AMZ1: variants seen among roughly 807,000 people sequenced by gnomAD.
AMZ1 encodes the protein archaemetzincin-1.
Under a neutral mutation model 29.9 loss-of-function variants are expected in AMZ1, and 39 were observed. The ratio of observed to expected loss-of-function variants is 1.30; its 90% confidence interval spans 1.01 to 1.70. The LOEUF (loss-of-function observed/expected upper bound fraction) is 1.70, where lower values mean the gene tolerates loss of function less well. AMZ1 is among the 40% of genes most tolerant of loss of function. The pLI, the probability that AMZ1 is intolerant of heterozygous loss-of-function variation, is 0.00. For missense variants in AMZ1, 1,041 were observed against 680.6 expected, an observed-to-expected ratio of 1.53 and a Z score of -5.89; for synonymous variants, 458 against 304.0, an observed-to-expected ratio of 1.51 and a Z score of -5.27.
chr7:2,707,344 T>C (rs1788419034), intron 3 of AMZ1, among the ~76,000 whole-genome samples: 1 of 151,580 alleles, frequency 6.6e-6, no homozygotes, highest in Admixed American at 6.6e-5. Flanking sequence ...CTTTTAATGG[T>C]AGAACTCCTT....
intron 4 of AMZ1, among the ~76,000 whole-genome samples, chr7:2,751,689 A>AG (rs2115363688): frequency 6.6e-6 from 1 of 152,386 alleles, no homozygotes; most frequent in African/African-American, 2.4e-5. Context: ...GTTATACTAT[A>AG]GCTCCGTCAA....
At chr7:2,762,654 C>T, upstream of AMZ1, 4 of 1,598,858 alleles carry the variant, frequency 2.5e-6, no homozygotes, top group South Asian at 3.4e-5. Context: ...AGCGGCAGGA[C>T]GATGAGAGGA....
At chr7:2,744,455 G>C (rs1204340303) in intron 4 of AMZ1, among the ~76,000 whole-genome samples, 1 of 152,188 alleles carries the variant, frequency 6.6e-6, no homozygotes, top group Admixed American at 6.5e-5. Flanking sequence ...TGCAGCTGAG[G>C]GTCCTGTCTG....
At chr7:2,722,091 C>T (rs140273266), downstream of AMZ1, among the ~76,000 whole-genome samples, 735 of 152,252 alleles carry the variant, frequency 4.8e-3, 8 homozygotes, top group African/African-American at 0.017. Flanking sequence ...AGAAGGCCGT[C>T]CAACTGGTCC....
At chr7:2,755,157 T>C (rs1791233940) in intron 4 of AMZ1, among the ~76,000 whole-genome samples, 1 of 151,472 alleles carries the variant, frequency 6.6e-6, no homozygotes, top group African/African-American at 2.4e-5. Context: ...CACACAGGCC[T>C]GACCACTGCA....
chr7:2,750,511 C>T (rs2115359156), intron 4 of AMZ1, among the ~76,000 whole-genome samples: 1 of 152,310 alleles, frequency 6.6e-6, no homozygotes, highest in East Asian at 1.9e-4. Context: ...TACCTATGGT[C>T]AAGTTTAATT....
At chr7:2,689,531 A>T (rs1562355587) in intron 1 of AMZ1, among the ~76,000 whole-genome samples, 1 of 152,204 alleles carries the variant, frequency 6.6e-6, no homozygotes. Context: ...TCCCCGTCAG[A>T]ACATCCCTGC....
chr7:2,696,607 G>A (rs576120704), intron 1 of AMZ1, among the ~76,000 whole-genome samples: 37 of 151,754 alleles, frequency 2.4e-4, no homozygotes, highest in African/African-American at 7.7e-4. Context: ...AGGGCTGGCC[G>A]GGCACGGTGG....
intron 4 of AMZ1, among the ~76,000 whole-genome samples, chr7:2,755,499 T>A (rs575652928): frequency 7.2e-5 from 11 of 152,374 alleles, no homozygotes; most frequent in African/African-American, 2.6e-4. Flanking sequence ...ATTTTTAAAA[T>A]GACTGTTAAT....
At chr7:2,742,104 C>T (rs1233529026) in intron 4 of AMZ1, among the ~76,000 whole-genome samples, 1 of 152,016 alleles carries the variant, frequency 6.6e-6, no homozygotes, top group Non-Finnish European at 1.5e-5. Context: ...TCACTGCAGC[C>T]TCCGCCTCCC....
downstream of AMZ1, among the ~76,000 whole-genome samples, chr7:2,721,293 C>G (rs1046756699): frequency 6.6e-6 from 1 of 152,192 alleles, no homozygotes; most frequent in Non-Finnish European, 1.5e-5. Flanking sequence ...TGCCGCGCAC[C>G]GCAGATGTGT....
At chr7:2,711,963 C>T (rs536230021) in intron 6 of AMZ1, among the ~76,000 whole-genome samples, 3 of 152,250 alleles carry the variant, frequency 2.0e-5, no homozygotes, top group East Asian at 3.9e-4. Flanking sequence ...AGGAGAATTG[C>T]TTGAACCTGG....
intron 4 of AMZ1, 150 bp downstream of exon 4, chr7:2,708,866 G>A: frequency 7.3e-7 from 1 of 1,365,958 alleles, no homozygotes; most frequent in Non-Finnish European, 1.0e-6. Context: ...GCCCCTTCCA[G>A]CTCCTCCTGA....
chr7:2,746,264 T>C lies in AMZ1; in HGVS notation n.551-18448T>C, dbSNP rs143753959. ...ACCTATTCCAAAATTGACCACTTGA[T>C]AGTTGGAAGTAAAGCACTCCTCAGC... is the stretch of plus-strand genomic sequence containing the variant. On this transcript the variant is annotated intron_variant and non_coding_transcript_variant, in intron 4 of 4. Transcript: ENST00000489665. Among the ~76,000 whole-genome samples the C allele has an allele frequency of 5.6e-3, 846 of 152,320 alleles. 11 individuals carry two copies. Among genetic ancestry groups the C allele is most frequent in the African/African-American group, 0.019 (810 of 41,570 alleles).
chr7:2,752,577 G>A (rs1351684444), intron 4 of AMZ1, among the ~76,000 whole-genome samples: 1 of 152,136 alleles, frequency 6.6e-6, no homozygotes, highest in Non-Finnish European at 1.5e-5. Flanking sequence ...GCTAGCAACA[G>A]AATCAATCCG....
intron 4 of AMZ1, among the ~76,000 whole-genome samples, chr7:2,745,795 C>T (rs1358444807): frequency 1.7e-4 from 26 of 152,126 alleles, no homozygotes; most frequent in Non-Finnish European, 8.8e-5. Flanking sequence ...CAGAGACACA[C>T]ATAGGCTCAA....
rs137969519 is a variant in AMZ1 at position 2,702,338 on chromosome 7, G to C, written c.305-384G>C. The C allele has an allele frequency of 5.8e-3, 1,182 of 205,236 alleles. 25 individuals carry two copies. Among genetic ancestry groups the C allele is most frequent in the African/African-American group, 0.026 (1,121 of 43,056 alleles). 12.7% of individuals were successfully genotyped at this position (205,236 alleles called of 1,614,324 possible). A position where few individuals can be genotyped will look rare whatever the true frequency, so the allele number is the denominator to read the frequency against. On this transcript the variant is annotated intron_variant, in intron 2 of 6. Coordinates refer to ENST00000683327, the MANE Select transcript of AMZ1 (RefSeq NM_001384743.1). ...GCCATGCAGCCTGGCTCTGTGTCCT[G>C]CTGTCTGCCCCAGTCAGGCTGGCAT...
intron 1 of AMZ1, among the ~76,000 whole-genome samples, chr7:2,689,373 G>GGGC (rs1004543878): frequency 2.0e-5 from 3 of 152,192 alleles, no homozygotes; most frequent in South Asian, 2.1e-4. Flanking sequence ...ACCTCCCTGG[G>GGGC]GGGGGGATGC....
chr7:2,717,343 C>T lies in AMZ1; in HGVS notation c.*4465C>T, dbSNP rs1789188246. On this transcript the variant is annotated 3_prime_UTR_variant, in exon 7 of 7. Transcript: ENST00000683327. The stretch of plus-strand genomic sequence containing the variant: ...TGAACTGGGTCTGCCTGCCTGTGTG[C>T]TGGAAGCAAACGACGGCCCGTCCTC... Among the ~76,000 whole-genome samples the T allele has an allele frequency of 6.6e-6, 1 of 152,264 alleles. No homozygotes were observed. Among genetic ancestry groups the T allele is most frequent in the Admixed American group, 6.5e-5 (1 of 15,288 alleles).
Sources: gnomAD v4.1 joint callset for allele counts (sites outside exome capture counted in the v4.1 genomes callset) on GRCh38, gnomAD v4.1.1 for gene constraint, MANE v1.5 for transcripts, NCBI Gene and HGNC (gene_info 2026-07-23, HGNC 2026-07-21) for gene names.